ZNF385D: variants seen among roughly 807,000 people sequenced by gnomAD.
ZNF385D encodes the protein zinc finger protein 659.
Under a neutral mutation model 35.8 loss-of-function variants are expected in ZNF385D, and 15 were observed. The observed-to-expected ratio is 0.42, with a 90% CI of 0.28 to 0.64. ZNF385D has a LOEUF of 0.64. Ranked by LOEUF, ZNF385D falls within the 30% of genes least tolerant of loss-of-function variation. ZNF385D has a pLI of 0.23. For missense variants in ZNF385D, 474 were observed against 494.6 expected, an observed-to-expected ratio of 0.96 and a Z score of 0.39; for synonymous variants, 212 against 186.8, an observed-to-expected ratio of 1.13 and a Z score of -1.10.
intron 3 of ZNF385D, among the ~76,000 whole-genome samples, chr3:22,099,500 G>C (rs1056416200): frequency 6.6e-6 from 1 of 152,048 alleles, no homozygotes; most frequent in Non-Finnish European, 1.5e-5. Context: ...TGAGAAACAA[G>C]GATAACTAGA....
chr3:21,586,036 T>TAC (rs1559433614), intron 2 of ZNF385D, among the ~76,000 whole-genome samples: 2 of 42,174 alleles, frequency 4.7e-5, no homozygotes, highest in Non-Finnish European at 1.2e-4. Flanking sequence ...TAAATACAAA[T>TAC]ACATACACAC....
rs755044236 is a variant in ZNF385D at position 22,309,485 on chromosome 3, TAG to T, written c.106+62963_106+62964del. Among the ~76,000 whole-genome samples, 3 of 152,194 alleles carry T rather than the reference TAG, an allele frequency of 2.0e-5. No individual in the cohort carries two copies. In the South Asian group the frequency reaches 6.2e-4, roughly 32 times the overall value. The stretch of plus-strand genomic sequence containing the variant: ...TCAAACTATTTTTGTCTCGACTATA[TAG>T]AGAGTATTAATATAAGGTCAAAAAC... On this transcript the variant is annotated intron_variant, in intron 2 of 5. Coordinates refer to the ZNF385D transcript ENST00000494108.
intron 3 of ZNF385D, among the ~76,000 whole-genome samples, chr3:21,797,244 T>G (rs2072194890): frequency 6.6e-6 from 1 of 152,148 alleles, no homozygotes; most frequent in African/African-American, 2.4e-5. Context: ...TTCTTCACAT[T>G]ATATGTCATC....
chr3:21,979,051 A>T (rs1407820492), intron 3 of ZNF385D, among the ~76,000 whole-genome samples: 2 of 152,198 alleles, frequency 1.3e-5, no homozygotes, highest in Non-Finnish European at 2.9e-5. Flanking sequence ...GACAGGTGAC[A>T]CTTAGCACAA....
At chr3:21,505,101 C>T (rs537389734) in intron 4 of ZNF385D, among the ~76,000 whole-genome samples, 2 of 152,202 alleles carry the variant, frequency 1.3e-5, no homozygotes, top group South Asian at 4.1e-4. Context: ...GAGGAAAAGA[C>T]AACTAGAAAG....
chr3:21,960,995 G>T (rs1702556753), intron 3 of ZNF385D, among the ~76,000 whole-genome samples: 1 of 152,058 alleles, frequency 6.6e-6, no homozygotes, highest in Non-Finnish European at 1.5e-5. Flanking sequence ...GATTTCTGCT[G>T]ACCTGTGGTG....
intron 3 of ZNF385D, among the ~76,000 whole-genome samples, chr3:21,875,044 G>T (rs543693869): frequency 6.6e-6 from 1 of 151,754 alleles, no homozygotes; most frequent in African/African-American, 2.4e-5. Context: ...TCCTTTTAGG[G>T]TTATTCATTG....
chr3:21,448,345 A>C (rs1279751320), intron 4 of ZNF385D, among the ~76,000 whole-genome samples: 1 of 152,168 alleles, frequency 6.6e-6, no homozygotes, highest in Non-Finnish European at 1.5e-5. Flanking sequence ...TTCAACTATA[A>C]GCTGAGTTAA....
intron 2 of ZNF385D, among the ~76,000 whole-genome samples, chr3:22,297,772 A>G (rs1702670463): frequency 6.6e-6 from 1 of 152,136 alleles, no homozygotes; most frequent in South Asian, 2.1e-4. Flanking sequence ...ATACATAAAA[A>G]TAACATAAAA....
chr3:21,933,198 C>T (rs578241471), intron 3 of ZNF385D, among the ~76,000 whole-genome samples: 1 of 152,202 alleles, frequency 6.6e-6, no homozygotes, highest in South Asian at 2.1e-4. Context: ...CAATTTTTTT[C>T]CAAATAATAT....
intron 2 of ZNF385D, among the ~76,000 whole-genome samples, chr3:22,262,479 A>G (rs2125346782): frequency 6.6e-6 from 1 of 151,934 alleles, no homozygotes; most frequent in East Asian, 2.0e-4. Context: ...AATAAAGAGA[A>G]AAAATAGACA....
At chr3:21,514,507 A>C (rs894171347) in intron 3 of ZNF385D, among the ~76,000 whole-genome samples, 35 of 152,128 alleles carry the variant, frequency 2.3e-4, no homozygotes, top group Non-Finnish European at 8.8e-5. Context: ...CTGTAACGTA[A>C]CTTGATGTGT....
At chr3:21,547,055 A>G (rs761169323) in intron 3 of ZNF385D, among the ~76,000 whole-genome samples, 11 of 152,074 alleles carry the variant, frequency 7.2e-5, no homozygotes, top group Non-Finnish European at 1.6e-4. Context: ...GTATCCCTTT[A>G]GAATGCATGC....
chr3:21,766,796 C>G (rs1457954925), intron 3 of ZNF385D, among the ~76,000 whole-genome samples: 1 of 151,898 alleles, frequency 6.6e-6, no homozygotes, highest in Non-Finnish European at 1.5e-5. Flanking sequence ...TAGTGGAGAT[C>G]CTTGAAGTCA....
chr3:21,963,263 T>C (rs1702698640), intron 3 of ZNF385D, among the ~76,000 whole-genome samples: 1 of 152,130 alleles, frequency 6.6e-6, no homozygotes, highest in South Asian at 2.1e-4. Flanking sequence ...CTTTCATTCT[T>C]GTGGTAGCAT....
chr3:21,803,865 G>C (rs949630239), intron 3 of ZNF385D, among the ~76,000 whole-genome samples: 8 of 152,188 alleles, frequency 5.3e-5, no homozygotes, highest in Non-Finnish European at 7.3e-5. Flanking sequence ...GTTCCCATGG[G>C]ATAATTAATC....
At chr3:22,200,629 A>G (rs1696724934) in intron 2 of ZNF385D, among the ~76,000 whole-genome samples, 1 of 152,088 alleles carries the variant, frequency 6.6e-6, no homozygotes, top group Non-Finnish European at 1.5e-5. Context: ...TAGTCTGACC[A>G]AAATTTATTA....
chr3:21,546,416 C>T (rs546482461), intron 3 of ZNF385D, among the ~76,000 whole-genome samples: 1 of 152,128 alleles, frequency 6.6e-6, no homozygotes, highest in African/African-American at 2.4e-5. Context: ...CACCATTCAC[C>T]CAAATCCCAG....
In ZNF385D at chr3:22,064,981, G is replaced by A. The variant is rs139058005; in HGVS notation, c.325+103836C>T. On this transcript the variant is annotated intron_variant, in intron 3 of 5. Coordinates refer to the ZNF385D transcript ENST00000494108. Reference sequence around the variant, plus strand: ...AGCCATGCACAAATTATATTATGACGGTATAATGTTGTAATTAAGATAGAC... The same window carrying A: ...AGCCATGCACAAATTATATTATGACAGTATAATGTTGTAATTAAGATAGAC... Among the ~76,000 whole-genome samples, 35 of 152,188 alleles carry A rather than the reference G, an allele frequency of 2.3e-4. No individual in the cohort carries two copies. In the East Asian group the frequency reaches 6.0e-3, roughly 26 times the overall value.
Sources: gnomAD v4.1 joint callset for allele counts (sites outside exome capture counted in the v4.1 genomes callset) on GRCh38, gnomAD v4.1.1 for gene constraint, MANE v1.5 for transcripts, NCBI Gene and HGNC (gene_info 2026-07-23, HGNC 2026-07-21) for gene names.